U2SURP: variants seen among roughly 807,000 people sequenced by gnomAD.
U2SURP encodes the protein U2 snRNP-associated SURP motif-containing protein.
A neutral mutation model predicts 144.9 loss-of-function variants in U2SURP; 9 were observed. The observed-to-expected ratio is 0.06, with a 90% confidence interval of 0.04 to 0.11. The LOEUF is 0.11. Ranked by LOEUF, U2SURP falls within the 10% of genes least tolerant of loss-of-function variation. U2SURP has a pLI of 1.00. For missense variants in U2SURP, 724 were observed against 1,226.7 expected, an observed-to-expected ratio of 0.59 and a Z score of 6.12; for synonymous variants, 408 against 396.8, an observed-to-expected ratio of 1.03 and a Z score of -0.33.
chr3:143,021,390 T>C lies in U2SURP; in HGVS notation c.769+5T>C. 6.2e-7 allele frequency: 1 copy of C among 1,604,688 alleles called. No homozygotes were observed. Among genetic ancestry groups the C allele is most frequent in the South Asian group, 1.1e-5 (1 of 89,634 alleles). On this transcript the variant is annotated splice_donor_5th_base_variant and intron_variant, in intron 9 of 27. Coordinates refer to ENST00000473835, the MANE Select transcript of U2SURP (RefSeq NM_001080415.2). ...GAAGAAATAGATCATCTGGTGGTAATACAGTTTTTTGCTCTTTTAATCGAT... is the reference window on the plus strand; with the variant it reads ...GAAGAAATAGATCATCTGGTGGTAACACAGTTTTTTGCTCTTTTAATCGAT...
chr3:143,055,025 C>A lies in U2SURP; in HGVS notation c.2857C>A (p.Arg953=). 6.2e-7 allele frequency: 1 copy of A among 1,607,998 alleles called. No individual in the cohort carries two copies. The highest frequency in any genetic ancestry group is 1.1e-5 in the South Asian group (1 of 89,442). Residue 953 remains arginine (R), a synonymous_variant, in exon 27 of 28, where the codon CGA becomes AGA. Coordinates refer to ENST00000473835, the MANE Select transcript of U2SURP (RefSeq NM_001080415.2). Reference sequence around the variant, plus strand: ...GAAATCCCCATCACCAAAATCGGAGCGATCAGAGCGTTCAGAAAGATCTCA... The same window carrying A: ...GAAATCCCCATCACCAAAATCGGAGAGATCAGAGCGTTCAGAAAGATCTCA... ...RVKSPSPKSE[R]SERSERSHKE...
At chr3:143,033,532 T>C (rs1933626032) in intron 18 of U2SURP, among the ~76,000 whole-genome samples, 182 bp downstream of exon 18, 1 of 152,122 alleles carries the variant, frequency 6.6e-6, no homozygotes, top group Admixed American at 6.6e-5. Flanking sequence ...AGAAGAAAAA[T>C]TGTATCTGTA....
chr3:143,023,372 C>T (rs1932949266), intron 12 of U2SURP: 1 of 229,104 alleles, frequency 4.4e-6, no homozygotes, highest in Non-Finnish European at 8.4e-6. Flanking sequence ...GAAAGTGATA[C>T]TTTGTATTTG....
At chr3:143,020,911 A>G (rs975390407) in intron 8 of U2SURP, among the ~76,000 whole-genome samples, 3 of 151,820 alleles carry the variant, frequency 2.0e-5, no homozygotes, top group African/African-American at 4.8e-5. Flanking sequence ...AATTATAACA[A>G]TATACTGAAA....
chr3:143,055,981 G>A (rs1292099968), intron 27 of U2SURP, among the ~76,000 whole-genome samples: 10 of 152,212 alleles, frequency 6.6e-5, no homozygotes, highest in African/African-American at 2.2e-4. Context: ...GTTCAAATTT[G>A]GGGGTTATCA....
intron 14 of U2SURP, 92 bp downstream of exon 14, chr3:143,027,345 AT>A: frequency 1.1e-6 from 1 of 919,366 alleles, no homozygotes; most frequent in African/African-American, 1.7e-5. Flanking sequence ...CATTAAGTAC[AT>A]TCACATTGTT....
chr3:143,003,197 G>A (rs971029730), intron 1 of U2SURP, among the ~76,000 whole-genome samples: 1 of 152,112 alleles, frequency 6.6e-6, no homozygotes, highest in Admixed American at 6.5e-5. Flanking sequence ...TAAATTATTG[G>A]ATTATCCAGT....
In U2SURP at chr3:143,010,377, A is replaced by C. The variant is rs1385598510; in HGVS notation, c.46-438A>C. Among the ~76,000 whole-genome samples the C allele has an allele frequency of 2.6e-5, 4 of 152,274 alleles. No homozygotes were observed. The East Asian group carries it at 7.7e-4, about 29-fold the overall frequency. On this transcript the variant is annotated intron_variant, in intron 1 of 27. Coordinates refer to ENST00000473835, the MANE Select transcript of U2SURP (RefSeq NM_001080415.2). ...TTGTACCTTTTAATAGACAGCAAGGATTTATATGTGGATTTCTTTATGTGG... is the reference window on the plus strand; with the variant it reads ...TTGTACCTTTTAATAGACAGCAAGGCTTTATATGTGGATTTCTTTATGTGG...
intron 13 of U2SURP, chr3:143,024,533 T>C (rs1432004936): frequency 2.3e-6 from 1 of 435,968 alleles, no homozygotes; most frequent in Non-Finnish European, 4.5e-6. Flanking sequence ...GAAACTTTCT[T>C]TTCATGGTAA....
At chr3:143,040,651 T>A (rs936533619) in intron 23 of U2SURP, among the ~76,000 whole-genome samples, 2 of 151,810 alleles carry the variant, frequency 1.3e-5, no homozygotes, top group Non-Finnish European at 3.0e-5. Flanking sequence ...CATGTCTTTT[T>A]AAAAAAAGAA....
intron 24 of U2SURP, among the ~76,000 whole-genome samples, chr3:143,048,527 T>A (rs894264517): frequency 6.6e-6 from 1 of 152,252 alleles, no homozygotes; most frequent in South Asian, 2.1e-4. Flanking sequence ...AATGCAGTCA[T>A]GATTAAAACA....
chr3:143,019,157 A>T (rs185024346), intron 6 of U2SURP, among the ~76,000 whole-genome samples: 2 of 152,110 alleles, frequency 1.3e-5, no homozygotes, highest in African/African-American at 4.8e-5. Context: ...GTTGAATCGT[A>T]AGAGTATTTT....
rs544331812 is a variant in U2SURP at position 143,058,444 on chromosome 3, A to G, written c.*1994A>G. The G allele has an allele frequency of 2.6e-5, 4 of 151,954 alleles. No homozygotes were observed. Among genetic ancestry groups the G allele is most frequent in the Non-Finnish European group, 4.4e-5 (3 of 67,786 alleles). 9.4% of individuals were successfully genotyped at this position (151,954 alleles called of 1,614,324 possible). On this transcript the variant is annotated 3_prime_UTR_variant, in exon 28 of 28. Transcript: ENST00000473835. Reference sequence around the variant, plus strand: ...TTCTTTTTTTCTGGATCCAGATACAAGTGTCATGGTTTATCTTACAGTGGG... The same window carrying G: ...TTCTTTTTTTCTGGATCCAGATACAGGTGTCATGGTTTATCTTACAGTGGG...
intron 4 of U2SURP, among the ~76,000 whole-genome samples, chr3:143,015,454 T>G (rs2108276594): frequency 6.6e-6 from 1 of 152,200 alleles, no homozygotes; most frequent in South Asian, 2.1e-4. Flanking sequence ...ATTACCAGCT[T>G]ATAAAGAAAT....
At chr3:143,034,719 C>G (rs1933714835) in intron 18 of U2SURP, 169 bp from the exon 19 acceptor site, 1 of 542,956 alleles carries the variant, frequency 1.8e-6, no homozygotes, top group Non-Finnish European at 3.3e-6. Flanking sequence ...AATAAGAGTT[C>G]AAGCAATTCA....
chr3:143,035,866 A>T (rs978335586), intron 19 of U2SURP, 116 bp from the exon 20 acceptor site: 8 of 1,091,324 alleles, frequency 7.3e-6, no homozygotes, highest in Non-Finnish European at 9.9e-6. Context: ...TTTAAAGTTT[A>T]AAAAAACATC....
intron 6 of U2SURP, 51 bp downstream of exon 6, chr3:143,017,026 A>G (rs939894921): frequency 2.7e-6 from 4 of 1,504,752 alleles, no homozygotes; most frequent in East Asian, 5.0e-5. Flanking sequence ...TGACACTGCC[A>G]GTGATACTTC....
At chr3:143,011,983 C>G (rs1936137244) in intron 2 of U2SURP, 1 of 622,102 alleles carries the variant, frequency 1.6e-6, no homozygotes. Flanking sequence ...GAACCTGTTA[C>G]TTCAAGGAAA....
In U2SURP at chr3:143,060,590, C is replaced by A. The variant is rs1240480187; in HGVS notation, c.*4140C>A. ...TTTTCTCCATATTGTTTTTCCGATG[C>A]AAGCCCAGTTAATAATTAGTTTTTT... On this transcript the variant is annotated 3_prime_UTR_variant, in exon 28 of 28. Transcript: ENST00000473835. 1 of 151,920 alleles carries A rather than the reference C, an allele frequency of 6.6e-6. No homozygotes were observed. Among genetic ancestry groups the A allele is most frequent in the African/African-American group, 2.4e-5 (1 of 41,430 alleles). The allele number at this position is 151,920 out of a possible 1,614,324, so 9.4% of individuals were successfully genotyped here.
Sources: gnomAD v4.1 joint callset for allele counts (sites outside exome capture counted in the v4.1 genomes callset) on GRCh38, gnomAD v4.1.1 for gene constraint, MANE v1.5 for transcripts, NCBI Gene and HGNC (gene_info 2026-07-23, HGNC 2026-07-21) for gene names.